ATG5: variants seen among roughly 807,000 people sequenced by gnomAD.
ATG5 encodes the protein autophagy related 5.
In ATG5, 14 loss-of-function variants were observed where a neutral mutation model predicts 36.5. That is an observed-to-expected ratio of 0.38 (90% CI 0.25 to 0.60). The LOEUF (loss-of-function observed/expected upper bound fraction) is 0.60. Among genes scored for constraint, ATG5 ranks in the 20% least tolerant of loss-of-function variants. ATG5 has a pLI of 0.60. For missense variants in ATG5, 195 were observed against 326.7 expected (o/e 0.60, Z 3.11); for synonymous variants, 95 against 101.5 (o/e 0.94, Z 0.38).
intron 7 of ATG5, among the ~76,000 whole-genome samples, chr6:106,200,133 C>T (rs1776360739): frequency 6.6e-6 from 1 of 152,072 alleles, no homozygotes; most frequent in Non-Finnish European, 1.5e-5. Flanking sequence ...GCATACTTGA[C>T]TAAGGAAAAT....
chr6:106,262,226 T>C (rs957450835), intron 5 of ATG5, among the ~76,000 whole-genome samples: 4 of 152,144 alleles, frequency 2.6e-5, no homozygotes, highest in African/African-American at 9.7e-5. Flanking sequence ...GCGTGTGCCA[T>C]GCCTAATTTT....
chr6:106,306,400 A>T (rs1770448293), intron 3 of ATG5, among the ~76,000 whole-genome samples: 1 of 152,192 alleles, frequency 6.6e-6, no homozygotes, highest in Non-Finnish European at 1.5e-5. Flanking sequence ...CAAATTTTCC[A>T]GAGTTCCTCA....
At chr6:106,213,702 G>A (rs968693678) in intron 6 of ATG5, among the ~76,000 whole-genome samples, 3 of 152,252 alleles carry the variant, frequency 2.0e-5, no homozygotes, top group Non-Finnish European at 2.9e-5. Flanking sequence ...GGTTTGGTTG[G>A]AATCCCAACT....
intron 4 of ATG5, among the ~76,000 whole-genome samples, chr6:106,285,727 G>A (rs1393734365): frequency 6.6e-6 from 1 of 152,208 alleles, no homozygotes; most frequent in South Asian, 2.1e-4. Flanking sequence ...ATTTCCATGA[G>A]TGGATGCATT....
rs113698003 is a variant in ATG5 at position 106,242,168 on chromosome 6, C to G, written c.573+5982G>C. 4.5e-3 allele frequency among the ~76,000 whole-genome samples: 687 copies of G among 152,084 alleles called. 3 individuals carry two copies. Among genetic ancestry groups the G allele is most frequent in the African/African-American group, 0.016 (652 of 41,496 alleles). ...CACACACACACACATTTATAGAAGA[C>G]AGGGTTTCACCATGTTGTCAAGGCT... On this transcript the variant is annotated intron_variant, in intron 6 of 7. Coordinates refer to ENST00000369076, the MANE Select transcript of ATG5 (RefSeq NM_004849.4).
chr6:106,296,096 T>A (rs1032971998), intron 3 of ATG5, among the ~76,000 whole-genome samples: 13 of 152,292 alleles, frequency 8.5e-5, no homozygotes, highest in African/African-American at 2.9e-4. Flanking sequence ...AAAGATCTAA[T>A]GGAGCCAATT....
chr6:106,300,285 G>GGAGAA (rs1770151673), intron 3 of ATG5, among the ~76,000 whole-genome samples: 1 of 152,088 alleles, frequency 6.6e-6, no homozygotes, highest in Admixed American at 6.5e-5. Context: ...GCATAAATGG[G>GGAGAA]TTAAGTTCCA....
At chr6:106,235,653 T>TA (rs1337766203) in intron 6 of ATG5, among the ~76,000 whole-genome samples, 2 of 151,292 alleles carry the variant, frequency 1.3e-5, no homozygotes, top group African/African-American at 4.9e-5. Flanking sequence ...AAACAGGAGG[T>TA]AAAAAAATAG....
At chr6:106,251,837 A>AT (rs971159744) in intron 5 of ATG5, among the ~76,000 whole-genome samples, 35 of 151,606 alleles carry the variant, frequency 2.3e-4, no homozygotes, top group Admixed American at 1.6e-3. Flanking sequence ...TTCACAATGG[A>AT]TTTTTTTGTT....
At chr6:106,209,141 T>A (rs1357818204) in intron 6 of ATG5, among the ~76,000 whole-genome samples, 1 of 152,198 alleles carries the variant, frequency 6.6e-6, no homozygotes, top group Non-Finnish European at 1.5e-5. Context: ...AAACTAAACA[T>A]GCACTTACCA....
At chr6:106,198,122 C>T (rs1023997414) in intron 7 of ATG5, among the ~76,000 whole-genome samples, 1 of 151,992 alleles carries the variant, frequency 6.6e-6, no homozygotes, top group Non-Finnish European at 1.5e-5. Context: ...AGAAAATGAA[C>T]TAAAAAAGTA....
chr6:106,191,075 A>G (rs552267446), intron 7 of ATG5, among the ~76,000 whole-genome samples: 8 of 152,310 alleles, frequency 5.3e-5, no homozygotes, highest in African/African-American at 1.9e-4. Context: ...ATGCCTATAT[A>G]GATGTATGGT....
chr6:106,196,276 A>C (rs992305048), intron 7 of ATG5, among the ~76,000 whole-genome samples: 1 of 152,232 alleles, frequency 6.6e-6, no homozygotes, highest in Non-Finnish European at 1.5e-5. Context: ...AATAAAGAGT[A>C]AGGAAAAAGC....
At chr6:106,256,307 TG>T (rs1778797448) in intron 5 of ATG5, among the ~76,000 whole-genome samples, 1 of 152,226 alleles carries the variant, frequency 6.6e-6, no homozygotes, top group Non-Finnish European at 1.5e-5. Context: ...TCACTGGAGA[TG>T]CAGTATGCAA....
At chr6:106,266,753 CAT>C (rs2114567371) in intron 5 of ATG5, among the ~76,000 whole-genome samples, 1 of 152,292 alleles carries the variant, frequency 6.6e-6, no homozygotes, top group African/African-American at 2.4e-5. Context: ...ACAAAAACCA[CAT>C]GATTCTCTCA....
At chr6:106,313,934 G>A (rs548448223) in intron 2 of ATG5, among the ~76,000 whole-genome samples, 4 of 152,216 alleles carry the variant, frequency 2.6e-5, no homozygotes, top group Admixed American at 2.6e-4. Context: ...TTAAATTCCA[G>A]TTTTTTGTTT....
At chr6:106,235,797 T>C (rs1280882680) in intron 6 of ATG5, among the ~76,000 whole-genome samples, 3 of 149,896 alleles carry the variant, frequency 2.0e-5, no homozygotes, top group African/African-American at 4.9e-5. Flanking sequence ...CTTCACTCTA[T>C]TAAATATTGC....
chr6:106,281,316 A>G (rs1432189897), intron 4 of ATG5, among the ~76,000 whole-genome samples: 2 of 152,178 alleles, frequency 1.3e-5, no homozygotes, highest in Non-Finnish European at 2.9e-5. Flanking sequence ...CATCACCCAC[A>G]AAAGTTCCTC....
intron 6 of ATG5, among the ~76,000 whole-genome samples, chr6:106,240,824 G>T (rs756090936): frequency 1.7e-4 from 26 of 152,234 alleles, no homozygotes; most frequent in African/African-American, 6.3e-4. Context: ...AAATTACAGT[G>T]CATCTACAGA....
Sources: gnomAD v4.1 joint callset for allele counts (sites outside exome capture counted in the v4.1 genomes callset) on GRCh38, gnomAD v4.1.1 for gene constraint, MANE v1.5 for transcripts, NCBI Gene and HGNC (gene_info 2026-07-23, HGNC 2026-07-21) for gene names.